The following SOX6 variants were observed in gnomAD, a reference collection of about 807,000 sequenced individuals.
SOX6 encodes the protein SRY-box transcription factor 6, also known as transcription factor SOX-6.
In SOX6, 11 loss-of-function variants were observed where a neutral mutation model predicts 97.8. That is an observed-to-expected ratio of 0.11 (90% CI 0.07 to 0.19). SOX6 has a LOEUF of 0.19. Among genes scored for constraint, SOX6 ranks in the 10% least tolerant of loss-of-function variants. The probability of loss-of-function intolerance (pLI) is 1.00; values close to 1 mark genes in which losing one functional copy is unlikely to be tolerated. For synonymous variants in SOX6, 360 were observed against 371.4 expected, an observed-to-expected ratio of 0.97 and a Z score of 0.35; for missense variants, 810 against 1,039.5, an observed-to-expected ratio of 0.78 and a Z score of 3.04.
At position 15,973,049 on chromosome 11, in the gene SOX6, C is replaced by T; in HGVS notation, c.2247G>A (p.Met749Ile). 3.1e-6 allele frequency: 5 copies of T among 1,614,102 alleles called. No individual in the cohort carries two copies. The highest frequency in any genetic ancestry group is 4.2e-6 in the Non-Finnish European group (5 of 1,180,008). Residue 749 changes from methionine (M) to isoleucine (I), a missense_variant, in exon 16 of 16, where the codon ATG becomes ATA. Physicochemically the swap from Met to Ile is conservative, Grantham distance 10. Transcript: ENST00000683767. ...TGVVYPGAIT[M>I]ATTTPSPQMT... is the part of the protein sequence containing the mutation. ...TCTGAGGCGATGGTGTGGTAGTTGCCATAGTGATAGCACCAGGATACACAA... is the reference window on the plus strand; with the variant it reads ...TCTGAGGCGATGGTGTGGTAGTTGCTATAGTGATAGCACCAGGATACACAA...
chr11:16,656,841 A>G (rs1847722948), intron 3 of SOX6, among the ~76,000 whole-genome samples: 1 of 152,186 alleles, frequency 6.6e-6, no homozygotes, highest in Non-Finnish European at 1.5e-5. Flanking sequence ...TTTACAGAAA[A>G]TTGGTCAGAC....
Position 16,469,045 on chromosome 11 carries a change from A to G in SOX6, c.-5+7270T>C, listed in dbSNP as rs549805943. On this transcript the variant is annotated intron_variant, in intron 1 of 15. Coordinates refer to the SOX6 transcript ENST00000396356. ...GCACAATATGTAGTAAGCAACATGG[A>G]AGAATAAAGAACAGAGGAACTTGGT... Among the ~76,000 whole-genome samples the G allele has an allele frequency of 2.6e-5, 4 of 152,154 alleles. No homozygotes were observed. The East Asian group carries it at 7.7e-4, about 29-fold the overall frequency.
At chr11:16,458,939 ACAGTTTGTAGAGCAGAGCAATGG>A (rs1220195443) in intron 1 of SOX6, among the ~76,000 whole-genome samples, 4 of 152,074 alleles carry the variant, frequency 2.6e-5, no homozygotes. Flanking sequence ...CAAGGTATCT[ACAGTTTGTAGAGCAGAGCAATGG>A]CAAAAAGATA....
intron 1 of SOX6, among the ~76,000 whole-genome samples, chr11:16,430,943 C>T (rs1859261014): frequency 1.3e-5 from 2 of 152,178 alleles, no homozygotes; most frequent in South Asian, 4.1e-4. Context: ...AAAGCCTTTA[C>T]AATGGTTTAA....
At chr11:16,200,195 C>G (rs940496651) in intron 4 of SOX6, among the ~76,000 whole-genome samples, 8 of 152,020 alleles carry the variant, frequency 5.3e-5, no homozygotes, top group African/African-American at 1.9e-4. Context: ...GAAGAATGAC[C>G]CTGTGTCACT....
chr11:16,459,486 C>T (rs2133104609), intron 1 of SOX6, among the ~76,000 whole-genome samples: 1 of 152,088 alleles, frequency 6.6e-6, no homozygotes, highest in Admixed American at 6.6e-5. Flanking sequence ...GAAGGAAAAT[C>T]AATCAATTGA....
chr11:16,359,180 A>G (rs932475920), upstream of SOX6, among the ~76,000 whole-genome samples: 12 of 152,106 alleles, frequency 7.9e-5, no homozygotes, highest in African/African-American at 2.4e-4. Context: ...GGTCCTCAGA[A>G]CGAGAAGTTT....
intron 4 of SOX6, among the ~76,000 whole-genome samples, chr11:16,546,629 C>T (rs1847623602): frequency 6.6e-6 from 1 of 152,076 alleles, no homozygotes; most frequent in African/African-American, 2.4e-5. Context: ...GAATTAAAGA[C>T]TTTAATATAA....
chr11:16,706,359 G>A (rs1295325201), intron 3 of SOX6, among the ~76,000 whole-genome samples: 2 of 144,710 alleles, frequency 1.4e-5, no homozygotes, highest in Non-Finnish European at 3.0e-5. Flanking sequence ...GAGGCTGGAG[G>A]ATCACTTAAG....
intron 15 of SOX6, among the ~76,000 whole-genome samples, chr11:15,984,602 C>CATTGCCCT (rs751627141): frequency 2.6e-5 from 4 of 152,326 alleles, no homozygotes; most frequent in Non-Finnish European, 4.4e-5. Context: ...AATTATACCA[C>CATTGCCCT]ATTGCCCTTT....
intron 1 of SOX6, among the ~76,000 whole-genome samples, chr11:16,421,354 T>C (rs2133065366): frequency 6.6e-6 from 1 of 152,276 alleles, no homozygotes; most frequent in East Asian, 1.9e-4. Context: ...CAATTTATCC[T>C]TGATTTCATT....
chr11:15,986,145 A>G, intron 15 of SOX6, 59 bp downstream of exon 15: 1 of 1,461,202 alleles, frequency 6.8e-7, no homozygotes. Flanking sequence ...GCCAGTAGCC[A>G]TCCTATAGTT....
At chr11:16,634,856 C>A (rs1262382453) in intron 3 of SOX6, among the ~76,000 whole-genome samples, 1 of 152,142 alleles carries the variant, frequency 6.6e-6, no homozygotes. Context: ...GGGGCAGTTA[C>A]CTCCATGCTG....
intron 12 of SOX6, chr11:16,031,422 GCCCCCCTA>G (rs1468960728): frequency 1.3e-5 from 2 of 152,134 alleles, no homozygotes; most frequent in African/African-American, 4.8e-5. Flanking sequence ...TTGTCTCTCA[GCCCCCCTA>G]GGCTGTGCAA....
intron 3 of SOX6, among the ~76,000 whole-genome samples, chr11:16,249,728 G>C (rs1233146690): frequency 6.6e-6 from 1 of 152,090 alleles, no homozygotes; most frequent in African/African-American, 2.4e-5. Flanking sequence ...ATGCCACCAG[G>C]TAGAAAGCCA....
intron 3 of SOX6, among the ~76,000 whole-genome samples, chr11:16,621,742 T>A (rs1848548228): frequency 6.6e-6 from 1 of 152,184 alleles, no homozygotes; most frequent in Admixed American, 6.5e-5. Flanking sequence ...TAATAAGCCT[T>A]CATTCTAAGT....
At chr11:16,432,451 AAG>A (rs1451504927) in intron 1 of SOX6, among the ~76,000 whole-genome samples, 2 of 152,146 alleles carry the variant, frequency 1.3e-5, no homozygotes, top group East Asian at 3.8e-4. Flanking sequence ...TGTCACTCTT[AAG>A]AGTTTTAAAT....
chr11:16,520,271 C>G (rs1861038069), intron 4 of SOX6, among the ~76,000 whole-genome samples: 1 of 152,074 alleles, frequency 6.6e-6, no homozygotes, highest in Admixed American at 6.5e-5. Context: ...AATTCTTTGC[C>G]TAGGCCAATG....
At chr11:16,216,754 G>A (rs1852384743) in intron 4 of SOX6, among the ~76,000 whole-genome samples, 1 of 152,054 alleles carries the variant, frequency 6.6e-6, no homozygotes, top group African/African-American at 2.4e-5. Flanking sequence ...AAATGGCCCA[G>A]GTACAGAGAG....
Sources: gnomAD v4.1 joint callset for allele counts (sites outside exome capture counted in the v4.1 genomes callset) on GRCh38, gnomAD v4.1.1 for gene constraint, MANE v1.5 for transcripts, NCBI Gene and HGNC (gene_info 2026-07-23, HGNC 2026-07-21) for gene names.